FAM20A: variants seen among roughly 807,000 people sequenced by gnomAD.
FAM20A encodes the protein FAM20A golgi associated secretory pathway pseudokinase.
FAM20A carries 42 observed loss-of-function variants against 52.0 expected under a neutral mutation model. The ratio of observed to expected loss-of-function variants is 0.81; its 90% CI spans 0.63 to 1.04. The LOEUF (loss-of-function observed/expected upper bound fraction) is 1.04. Among genes scored for constraint, FAM20A ranks in the 50% least tolerant of loss-of-function variants. The pLI is 0.00. For synonymous variants in FAM20A, 304 were observed against 298.9 expected, an observed-to-expected ratio of 1.02 and a Z score of -0.18; for missense variants, 742 against 712.7, an observed-to-expected ratio of 1.04 and a Z score of -0.47.
chr17:68,590,953 G>A (rs774128820), intron 1 of FAM20A, among the ~76,000 whole-genome samples: 4 of 152,100 alleles, frequency 2.6e-5, no homozygotes, highest in African/African-American at 4.8e-5. Context: ...CTTTGCCCAG[G>A]ATCTTTCTTT....
At chr17:68,562,031 C>T (rs570056261) in intron 1 of FAM20A, among the ~76,000 whole-genome samples, 12 of 152,250 alleles carry the variant, frequency 7.9e-5, no homozygotes, top group African/African-American at 2.9e-4. Context: ...GCCATGTTGG[C>T]CAGGATGGTC....
chr17:68,557,625 C>A (rs938854043), intron 1 of FAM20A: 1 of 152,106 alleles, frequency 6.6e-6, no homozygotes, highest in Admixed American at 6.5e-5. Flanking sequence ...TACAAGTCAC[C>A]CAGTTTATAG....
chr17:68,565,088 A>G (rs1332133742), intron 1 of FAM20A, among the ~76,000 whole-genome samples: 2 of 152,166 alleles, frequency 1.3e-5, no homozygotes, highest in South Asian at 2.1e-4. Flanking sequence ...GTTTTAGAGC[A>G]AAGGTTTATG....
chr17:68,584,537 A>G (rs2088113185), intron 1 of FAM20A, among the ~76,000 whole-genome samples: 1 of 152,176 alleles, frequency 6.6e-6, no homozygotes, highest in Non-Finnish European at 1.5e-5. Context: ...GCAGTTTTGA[A>G]AGTAGACGCA....
At chr17:68,553,419 A>T (rs2086934076) in intron 3 of FAM20A, among the ~76,000 whole-genome samples, 1 of 152,182 alleles carries the variant, frequency 6.6e-6, no homozygotes, top group South Asian at 2.1e-4. Context: ...ACACCATCAG[A>T]TGTAGTCACA....
chr17:68,542,252 A>G, intron 6 of FAM20A, 87 bp from the exon 7 acceptor site: 2 of 1,430,434 alleles, frequency 1.4e-6, no homozygotes, highest in Non-Finnish European at 1.9e-6. Context: ...ACTGGGAGGG[A>G]AGGGAAACCC....
chr17:68,585,430 A>C (rs2088139181), intron 1 of FAM20A, among the ~76,000 whole-genome samples: 1 of 147,828 alleles, frequency 6.8e-6, no homozygotes. Context: ...TTGTTTTTCC[A>C]CCAATACCAT....
rs149139420 is a variant in FAM20A at position 68,540,894 on chromosome 17, G to T, written c.1174C>A (p.Arg392=). 6 of 1,605,208 alleles carry T rather than the reference G, an allele frequency of 3.7e-6. No individual in the cohort carries two copies. Among genetic ancestry groups the T allele is most frequent in the Non-Finnish European group, 5.1e-6 (6 of 1,176,014 alleles). ...KQIYPYNNSQ[R]LLNVIDMAIF... is the part of the protein sequence containing the mutation. ...GCCATGTCGATGACATTGAGGAGCC[G>T]CTGGCTGTTGTTGTACGGGTAGATC... The change falls in exon 8 of 11, where the codon CGG becomes AGG. Residue 392 remains arginine (R), a synonymous_variant. Coordinates refer to ENST00000592554, the MANE Select transcript of FAM20A (RefSeq NM_017565.4).
At chr17:68,558,738 C>T (rs1313639827) in intron 1 of FAM20A, among the ~76,000 whole-genome samples, 3 of 151,870 alleles carry the variant, frequency 2.0e-5, no homozygotes, top group African/African-American at 4.8e-5. Context: ...CTTCCTTCCT[C>T]CCTCCCTCCT....
At chr17:68,548,729 T>A (rs1393437386) in intron 4 of FAM20A, among the ~76,000 whole-genome samples, 1 of 137,410 alleles carries the variant, frequency 7.3e-6, no homozygotes, top group East Asian at 2.1e-4. Flanking sequence ...CTGTATATTT[T>A]TTTTTTTTTT....
intron 1 of FAM20A, among the ~76,000 whole-genome samples, chr17:68,567,747 C>T (rs1416341127): frequency 6.6e-6 from 1 of 151,984 alleles, no homozygotes; most frequent in Non-Finnish European, 1.5e-5. Context: ...GAATTGTAAT[C>T]CCCACGTGTC....
chr17:68,536,493 A>T lies in FAM20A; in HGVS notation c.*984T>A, dbSNP rs763052457. The stretch of plus-strand genomic sequence containing the variant: ...ACACTTTCTTCTAAGGGAGGCTTCA[A>T]TAAAAAACCTGACTTAGTCTTTTTT... On this transcript the variant is annotated 3_prime_UTR_variant, in exon 11 of 11. Coordinates refer to ENST00000592554, the MANE Select transcript of FAM20A (RefSeq NM_017565.4). 2.2e-6 allele frequency: 1 copy of T among 454,148 alleles called. No homozygotes were observed. The highest frequency in any genetic ancestry group is 1.6e-5 in the South Asian group (1 of 64,476). The allele number at this position is 454,148 out of a possible 1,614,324, so 28.1% of individuals were successfully genotyped here.
At chr17:68,553,395 A>T (rs1196399976) in intron 3 of FAM20A, among the ~76,000 whole-genome samples, 1 of 152,196 alleles carries the variant, frequency 6.6e-6, no homozygotes, top group East Asian at 1.9e-4. Flanking sequence ...AAATGGACTA[A>T]TACATTTTGA....
At position 68,542,749 on chromosome 17, in the gene FAM20A, T is replaced by C. The variant is rs2086363752; in HGVS notation, c.873A>G (p.Glu291=). 1 of 1,614,134 alleles carries C rather than the reference T, an allele frequency of 6.2e-7. No homozygotes were observed. The highest frequency in any genetic ancestry group is 1.3e-5 in the African/African-American group (1 of 75,034). The change falls in exon 6 of 11, where the codon GAA becomes GAG. Residue 291 remains glutamate (E), a synonymous_variant. Transcript: ENST00000592554. ...TVGRIVNVTK[E]ILEVTKNEIL... ...TTTCATTCTTGGTGACCTCTAGGAT[T>C]TCCTTGGTGACATTTACTATCCTCC...
At chr17:68,538,508 T>C (rs534427680) in intron 10 of FAM20A, among the ~76,000 whole-genome samples, 1 of 152,340 alleles carries the variant, frequency 6.6e-6, no homozygotes, top group African/African-American at 2.4e-5. Context: ...GAGCAGGTGG[T>C]CAATTTTACA....
intron 1 of FAM20A, among the ~76,000 whole-genome samples, chr17:68,591,093 C>T (rs1360334215): frequency 1.3e-5 from 2 of 149,832 alleles, no homozygotes; most frequent in African/African-American, 2.5e-5. Context: ...TCCAAGGACT[C>T]TGTTTTGTTT....
chr17:68,592,929 C>A (rs2088353284), intron 1 of FAM20A, among the ~76,000 whole-genome samples: 1 of 152,180 alleles, frequency 6.6e-6, no homozygotes, highest in Admixed American at 6.5e-5. Context: ...CTGGCTGCCC[C>A]CAGTGCTTGG....
Position 68,549,703 on chromosome 17 carries a change from C to T in FAM20A, c.719+2170G>A, listed in dbSNP as rs117237883. Reference sequence around the variant, plus strand: ...GTCTTTTGAGTATATATTATATGTGCTCGACTAACTGTAACAATAATTTAA... The same window carrying T: ...GTCTTTTGAGTATATATTATATGTGTTCGACTAACTGTAACAATAATTTAA... On this transcript the variant is annotated intron_variant, in intron 4 of 10. Transcript: ENST00000592554. Among the ~76,000 whole-genome samples, 25 of 152,220 alleles carry T rather than the reference C, an allele frequency of 1.6e-4. No individual in the cohort carries two copies. In the East Asian group the frequency reaches 4.6e-3, roughly 28 times the overall value.
intron 1 of FAM20A, among the ~76,000 whole-genome samples, chr17:68,560,478 C>T (rs1485577987): frequency 6.6e-6 from 1 of 152,138 alleles, no homozygotes; most frequent in African/African-American, 2.4e-5. Flanking sequence ...TAATCTTGGA[C>T]TTCCCAGCCT....
Sources: gnomAD v4.1 joint callset for allele counts (sites outside exome capture counted in the v4.1 genomes callset) on GRCh38, gnomAD v4.1.1 for gene constraint, MANE v1.5 for transcripts, NCBI Gene and HGNC (gene_info 2026-07-23, HGNC 2026-07-21) for gene names.